The following AUTS2 variants were observed in gnomAD, a reference collection of about 807,000 sequenced individuals.
AUTS2 encodes autism susceptibility gene 2 protein.
AUTS2 carries 17 observed loss-of-function variants against 112.4 expected under a neutral mutation model. The observed-to-expected ratio is 0.15, with a 90% CI of 0.10 to 0.23. The LOEUF (loss-of-function observed/expected upper bound fraction) is 0.23, where lower values mean the gene tolerates loss of function less well. AUTS2 is among the 10% of genes least tolerant of loss of function. The pLI, the probability that AUTS2 is intolerant of heterozygous loss-of-function variation, is 1.00. For synonymous variants in AUTS2, 751 were observed against 702.7 expected, an observed-to-expected ratio of 1.07 and a Z score of -1.09; for missense variants, 1,510 against 1,701.6, an observed-to-expected ratio of 0.89 and a Z score of 1.98.
intron 2 of AUTS2, among the ~76,000 whole-genome samples, chr7:69,964,600 C>G (rs930305280): frequency 1.3e-5 from 2 of 151,736 alleles, no homozygotes; most frequent in Non-Finnish European, 1.5e-5. Context: ...TCCATAAAGC[C>G]TATGAATGAG....
At chr7:69,950,726 G>A (rs1394197802) in intron 2 of AUTS2, among the ~76,000 whole-genome samples, 5 of 152,222 alleles carry the variant, frequency 3.3e-5, no homozygotes, top group Admixed American at 1.3e-4. Flanking sequence ...TGCTGTATAC[G>A]GATTTTCTAG....
chr7:70,579,639 A>G (rs796309387), intron 5 of AUTS2, among the ~76,000 whole-genome samples: 8 of 152,306 alleles, frequency 5.3e-5, no homozygotes, highest in African/African-American at 1.2e-4. Context: ...TTAATAAACC[A>G]TCTTTTCAAG....
chr7:69,714,905 T>TTA lies in AUTS2; in HGVS notation c.309+114957_309+114958dup, dbSNP rs143903441. On this transcript the variant is annotated intron_variant, in intron 1 of 18. Coordinates refer to ENST00000342771, the MANE Select transcript of AUTS2 (RefSeq NM_015570.4). ...TCTTGTAGTCAGTATTCAGCATACT[T>TTA]TATATATATATATATTATGTTTACT... Among the ~76,000 whole-genome samples, 515 of 151,048 alleles carry TTA rather than the reference T, an allele frequency of 3.4e-3. 2 individuals carry two copies. Among genetic ancestry groups the TTA allele is most frequent in the Middle Eastern group, 6.8e-3 (2 of 292 alleles).
intron 5 of AUTS2, among the ~76,000 whole-genome samples, chr7:70,627,737 G>C (rs1158260187): frequency 6.6e-6 from 1 of 152,210 alleles, no homozygotes; most frequent in Non-Finnish European, 1.5e-5. Flanking sequence ...AATGGAAAAA[G>C]GGATGCTTTG....
intron 6 of AUTS2, among the ~76,000 whole-genome samples, chr7:70,716,306 G>A (rs1302355788): frequency 6.6e-6 from 1 of 152,162 alleles, no homozygotes; most frequent in Non-Finnish European, 1.5e-5. Context: ...GCATAAAGAG[G>A]ATCGGGGGCT....
intron 4 of AUTS2, among the ~76,000 whole-genome samples, chr7:70,268,600 A>T (rs1374241967): frequency 5.9e-5 from 9 of 152,196 alleles, no homozygotes; most frequent in Non-Finnish European, 2.9e-5. Flanking sequence ...TACCTCAATC[A>T]TCCATCTGAA....
intron 6 of AUTS2, among the ~76,000 whole-genome samples, chr7:70,704,195 C>T (rs981705873): frequency 2.0e-5 from 3 of 152,178 alleles, no homozygotes; most frequent in Non-Finnish European, 2.9e-5. Context: ...TTTTGCCGAA[C>T]TTGTGAATGC....
At chr7:69,673,804 T>G (rs1796443739) in intron 1 of AUTS2, among the ~76,000 whole-genome samples, 1 of 152,194 alleles carries the variant, frequency 6.6e-6, no homozygotes, top group Non-Finnish European at 1.5e-5. Flanking sequence ...TATTCCACCA[T>G]GTGCTCCAGG....
chr7:70,733,867 G>A (rs373481806), intron 6 of AUTS2, among the ~76,000 whole-genome samples: 57 of 152,130 alleles, frequency 3.7e-4, no homozygotes, highest in African/African-American at 9.9e-4. Flanking sequence ...GATTACAGGC[G>A]TGAGCCACCA....
chr7:69,921,158 C>A (rs944015229), intron 2 of AUTS2, among the ~76,000 whole-genome samples: 3 of 152,134 alleles, frequency 2.0e-5, no homozygotes, highest in Admixed American at 6.5e-5. Flanking sequence ...TTTTCCTAAT[C>A]AAAATAAATG....
intron 5 of AUTS2, among the ~76,000 whole-genome samples, chr7:70,515,727 T>C (rs940440056): frequency 6.6e-6 from 1 of 152,136 alleles, no homozygotes; most frequent in African/African-American, 2.4e-5. Flanking sequence ...TTTTTTTAAA[T>C]TTTATTTCCC....
At chr7:69,777,609 A>G (rs572646001) in intron 1 of AUTS2, among the ~76,000 whole-genome samples, 6 of 152,340 alleles carry the variant, frequency 3.9e-5, no homozygotes, top group African/African-American at 4.8e-5. Context: ...TATTTCTTCA[A>G]CTATGCCCAG....
At chr7:69,900,375 T>C (rs1326021895) in intron 2 of AUTS2, among the ~76,000 whole-genome samples, 1 of 152,160 alleles carries the variant, frequency 6.6e-6, no homozygotes, top group East Asian at 1.9e-4. Flanking sequence ...TGCTGCTAAT[T>C]AGAGGTGGAA....
At chr7:69,666,732 A>G (rs1584035528) in intron 1 of AUTS2, among the ~76,000 whole-genome samples, 1 of 152,196 alleles carries the variant, frequency 6.6e-6, no homozygotes, top group Non-Finnish European at 1.5e-5. Context: ...CAAGACTCCC[A>G]TCTTGACAAA....
intron 1 of AUTS2, among the ~76,000 whole-genome samples, chr7:69,795,901 T>C (rs915145502): frequency 3.9e-5 from 6 of 152,192 alleles, no homozygotes; most frequent in African/African-American, 1.4e-4. Context: ...CAGGACCCAA[T>C]TAGTTCTTTA....
At chr7:70,568,689 T>C (rs1469391593) in intron 5 of AUTS2, among the ~76,000 whole-genome samples, 1 of 152,168 alleles carries the variant, frequency 6.6e-6, no homozygotes, top group Non-Finnish European at 1.5e-5. Flanking sequence ...ATGTGAGGGC[T>C]TGGTTATCAT....
intron 5 of AUTS2, among the ~76,000 whole-genome samples, chr7:70,583,513 G>A (rs1802549198): frequency 6.6e-6 from 1 of 152,206 alleles, no homozygotes; most frequent in African/African-American, 2.4e-5. Flanking sequence ...CATGGGAGGG[G>A]CGGAGGCAGA....
intron 5 of AUTS2, among the ~76,000 whole-genome samples, chr7:70,610,559 C>A (rs1335349769): frequency 6.6e-6 from 1 of 151,070 alleles, no homozygotes; most frequent in Non-Finnish European, 1.5e-5. Context: ...CTTCAGCCAC[C>A]CAAGTAGCTG....
intron 1 of AUTS2, among the ~76,000 whole-genome samples, chr7:69,606,912 T>C (rs371252363): frequency 6.6e-6 from 1 of 152,202 alleles, no homozygotes. Context: ...AGACCCTAAG[T>C]GTGTCTTCTT....
Sources: gnomAD v4.1 joint callset for allele counts (sites outside exome capture counted in the v4.1 genomes callset) on GRCh38, gnomAD v4.1.1 for gene constraint, MANE v1.5 for transcripts, NCBI Gene and HGNC (gene_info 2026-07-23, HGNC 2026-07-21) for gene names.